CATSPERD: variants seen among roughly 807,000 people sequenced by gnomAD.
CATSPERD encodes the protein cation channel sperm-associated auxiliary subunit delta.
In CATSPERD, 86 loss-of-function variants were observed where a neutral mutation model predicts 98.1. The observed-to-expected ratio is 0.88, with a 90% CI of 0.74 to 1.05. The LOEUF (loss-of-function observed/expected upper bound fraction) is 1.05. Ranked by LOEUF, CATSPERD falls within the 50% of genes least tolerant of loss-of-function variation. The pLI is 0.00. For missense variants in CATSPERD, 995 were observed against 1,005.7 expected (o/e 0.99, Z 0.14); for synonymous variants, 394 against 390.2 (o/e 1.01, Z -0.12).
intron 5 of CATSPERD, among the ~76,000 whole-genome samples, chr19:5,734,764 T>C (rs2055809300): frequency 6.6e-6 from 1 of 150,456 alleles, no homozygotes; most frequent in Non-Finnish European, 1.5e-5. Flanking sequence ...ATTGGGCCAC[T>C]GCACCCCAGC....
intron 4 of CATSPERD, among the ~76,000 whole-genome samples, chr19:5,730,621 C>T (rs1167310516): frequency 6.6e-6 from 1 of 151,884 alleles, no homozygotes; most frequent in African/African-American, 2.4e-5. Flanking sequence ...GCAGTAATTT[C>T]AAGACTCCCT....
At chr19:5,723,458 ATTTTTTTTTT>A (rs773822808) in intron 1 of CATSPERD, among the ~76,000 whole-genome samples, 1 of 90,908 alleles carries the variant, frequency 1.1e-5, no homozygotes, top group African/African-American at 4.3e-5. Context: ...TGCCCAGCTA[ATTTTTTTTTT>A]TTTTTTTTTT....
chr19:5,737,255 C>G (rs2055866292), intron 6 of CATSPERD, 50 bp downstream of exon 6: 1 of 1,268,182 alleles, frequency 7.9e-7, no homozygotes. Flanking sequence ...CCTCTGAACA[C>G]AAATAATCAT....
intron 7 of CATSPERD, among the ~76,000 whole-genome samples, chr19:5,742,183 T>C (rs1288463499): frequency 6.6e-6 from 1 of 150,994 alleles, no homozygotes; most frequent in Non-Finnish European, 1.5e-5. Flanking sequence ...TGTATGTATG[T>C]GAACGTGTGT....
rs766098807 is a variant in CATSPERD at position 5,720,840 on chromosome 19, G to A, written c.71+32G>A. On this transcript the variant is annotated intron_variant, in intron 1 of 21. Coordinates refer to ENST00000381624, the MANE Select transcript of CATSPERD (RefSeq NM_152784.4). The stretch of plus-strand genomic sequence containing the variant: ...CTGCCAGGACTCCTGGGGCTGGGGT[G>A]CTGCCGGGGGTCGGGAGGGTGCTGG... 2.1e-5 allele frequency: 33 copies of A among 1,574,596 alleles called. No individual in the cohort carries two copies. The East Asian group carries it at 4.5e-4, about 22-fold the overall frequency.
chr19:5,724,571 C>T (rs1405050351), intron 1 of CATSPERD, among the ~76,000 whole-genome samples: 2 of 152,106 alleles, frequency 1.3e-5, no homozygotes, highest in African/African-American at 2.4e-5. Context: ...TTGTGGCGCG[C>T]GCCTGTAATC....
chr19:5,746,317 C>T (rs991856122), intron 9 of CATSPERD, among the ~76,000 whole-genome samples: 2 of 152,192 alleles, frequency 1.3e-5, no homozygotes, highest in Non-Finnish European at 2.9e-5. Flanking sequence ...TGACAAGAGT[C>T]TCCGTCATGG....
chr19:5,764,235 A>ATT (rs56292430), intron 16 of CATSPERD, among the ~76,000 whole-genome samples: 109,279 of 146,840 alleles, frequency 0.74, 40,860 homozygotes, highest in Non-Finnish European at 0.8. Context: ...CACCTGGCCA[A>ATT]TTTTTTTTTT....
At chr19:5,731,016 C>T (rs2055705564) in intron 4 of CATSPERD, among the ~76,000 whole-genome samples, 1 of 148,822 alleles carries the variant, frequency 6.7e-6, no homozygotes, top group African/African-American at 2.5e-5. Flanking sequence ...GGCATGAACC[C>T]AGGAGGCGGA....
In CATSPERD at chr19:5,745,821, C is replaced by T. The variant is rs140624041; in HGVS notation, c.658-92C>T. ...TTTGCTTTCTTTGCTTTCCCCTGCA[C>T]CTGCTAGCCAGACTCCTCTTCCCTC... On this transcript the variant is annotated intron_variant, in intron 8 of 21. Coordinates refer to ENST00000381624, the MANE Select transcript of CATSPERD (RefSeq NM_152784.4). 475 of 1,330,372 alleles carry T rather than the reference C, an allele frequency of 3.6e-4. 1 individual carries two copies. The African/African-American group carries it at 6.1e-3, about 17-fold the overall frequency. 82.4% of individuals were successfully genotyped at this position (1,330,372 alleles called of 1,614,324 possible).
At chr19:5,755,800 A>AAAT (rs2056314263) in intron 13 of CATSPERD, among the ~76,000 whole-genome samples, 1 of 147,526 alleles carries the variant, frequency 6.8e-6, no homozygotes, top group South Asian at 2.1e-4. Context: ...AATAAATAAA[A>AAAT]ATAAATTAAA....
chr19:5,763,042 GTGGA>G (rs912132467), intron 15 of CATSPERD, among the ~76,000 whole-genome samples, 169 bp from the exon 16 acceptor site: 1 of 149,080 alleles, frequency 6.7e-6, no homozygotes, highest in African/African-American at 2.5e-5. Context: ...AGATGGAAGG[GTGGA>G]TGGATGGATG....
At chr19:5,730,065 C>A in intron 4 of CATSPERD, 121 bp downstream of exon 4, 1 of 619,834 alleles carries the variant, frequency 1.6e-6, no homozygotes, top group Non-Finnish European at 2.8e-6. Flanking sequence ...TTACAATGTA[C>A]CTCTTCAAGA....
intron 14 of CATSPERD, among the ~76,000 whole-genome samples, chr19:5,758,408 C>T (rs1299417796): frequency 6.6e-6 from 1 of 151,924 alleles, no homozygotes; most frequent in Non-Finnish European, 1.5e-5. Flanking sequence ...CTTCCAGAAG[C>T]CTTTCACAGG....
Position 5,772,518 on chromosome 19 carries a change from C to T in CATSPERD, c.1764-270C>T, listed in dbSNP as rs2056668838. The T allele has an allele frequency of 1.0e-5, 4 of 401,152 alleles. No individual in the cohort carries two copies. The East Asian group carries it at 2.2e-4, about 22-fold the overall frequency. The allele number at this position is 401,152 out of a possible 1,614,324, so 24.8% of individuals were successfully genotyped here. On this transcript the variant is annotated intron_variant, in intron 19 of 21. Transcript: ENST00000381624. ...CTGAGATTACGGGCGTGAGCCGCCG[C>T]GCCTAGCTCCGAGCAGACTTTTCCT...
At chr19:5,742,141 T>C (rs1442043210) in intron 7 of CATSPERD, among the ~76,000 whole-genome samples, 1 of 136,472 alleles carries the variant, frequency 7.3e-6, no homozygotes, top group Non-Finnish European at 1.6e-5. Flanking sequence ...TGTGTGCGCG[T>C]GTGTACGTGT....
In CATSPERD at chr19:5,776,309, A is replaced by G. The variant is rs763803044; in HGVS notation, c.2090A>G (p.Tyr697Cys). The change falls in exon 21 of 22, where the codon TAC becomes TGC. Residue 697 changes from tyrosine to cysteine, a missense_variant. By Grantham distance (194) the Tyr-to-Cys change is radical. This residue lies in a region of CATSPERD where 762 missense variants were observed against 773.7 expected (regional missense o/e 0.98). Transcript: ENST00000381624. The stretch of plus-strand genomic sequence containing the variant: ...TTCTACATTTCGATCGTGGATCCGT[A>G]CTACAGGTGAGTGGGCCCATCTGCC... ...YVFYISIVDPYYSYCQLETIF... is the reference protein window; with the variant it reads ...YVFYISIVDPCYSYCQLETIF... 5.0e-6 allele frequency: 8 copies of G among 1,614,142 alleles called. No homozygotes were observed. In the East Asian group the frequency reaches 1.6e-4, roughly 31 times the overall value.
chr19:5,749,229 C>T (rs374004749), intron 11 of CATSPERD, 46 bp downstream of exon 11: 87 of 1,409,466 alleles, frequency 6.2e-5, no homozygotes, highest in Middle Eastern at 5.7e-4. Context: ...CGGTGGTTCA[C>T]GCCTGTCATC....
At chr19:5,731,102 A>T (rs574694909) in intron 4 of CATSPERD, among the ~76,000 whole-genome samples, 1 of 151,800 alleles carries the variant, frequency 6.6e-6, no homozygotes, top group Admixed American at 6.6e-5. Context: ...AAAAAAAAAA[A>T]AAAAAAGAGC....
Sources: gnomAD v4.1 joint callset for allele counts (sites outside exome capture counted in the v4.1 genomes callset) on GRCh38, gnomAD v4.1.1 for gene constraint, gnomAD v4.1.1 regional missense constraint, MANE v1.5 for transcripts, NCBI Gene and HGNC (gene_info 2026-07-23, HGNC 2026-07-21) for gene names.